Variants in NELFA observed in about 807,000 individuals in gnomAD.
NELFA encodes the protein negative elongation factor complex member A.
In NELFA, 35 loss-of-function variants were observed where a neutral mutation model predicts 51.8. The observed-to-expected ratio is 0.68, with a 90% CI of 0.52 to 0.90. The LOEUF (loss-of-function observed/expected upper bound fraction) is 0.90, where lower values mean the gene tolerates loss of function less well. Among genes scored for constraint, NELFA ranks in the 40% least tolerant of loss-of-function variants. The pLI is 0.00. For missense variants in NELFA, 658 were observed against 746.4 expected (o/e 0.88, Z 1.38); for synonymous variants, 417 against 338.4 (o/e 1.23, Z -2.55).
At position 1,987,936 on chromosome 4, in the gene NELFA, G is replaced by A. The variant is rs145121989; in HGVS notation, c.616C>T (p.Arg206Trp). 1.2e-5 allele frequency: 19 copies of A among 1,608,344 alleles called. No homozygotes were observed. Among genetic ancestry groups the A allele is most frequent in the Non-Finnish European group, 1.4e-5 (16 of 1,178,616 alleles). ...PFHAKGRGLLRKMDTTTPLKG... is the reference protein window; with the variant it reads ...PFHAKGRGLLWKMDTTTPLKG... ...GCCTTACTGGTGGTGTCCATCTTCC[G>A]CAGCAGCCCCCGGCCCTTGGCGTGG... Residue 206 changes from arginine (R) to tryptophan (W), a missense_variant, in exon 4 of 11, where the codon CGG becomes TGG. Physicochemically the swap from Arg to Trp is moderately radical, Grantham distance 101. Transcript: ENST00000382882.
At chr4:2,007,953 G>T (rs1177134625) in intron 1 of NELFA, 3 of 456,562 alleles carry the variant, frequency 6.6e-6, no homozygotes, top group East Asian at 1.4e-4. Context: ...TAGGAAAAAA[G>T]AAAACAAACC....
At position 1,984,890 on chromosome 4, in the gene NELFA, C is replaced by T. The variant is rs779624336; in HGVS notation, c.954G>A (p.Ala318=). 3.9e-5 allele frequency: 61 copies of T among 1,577,956 alleles called. No homozygotes were observed. Among genetic ancestry groups the T allele is most frequent in the African/African-American group, 5.4e-5 (4 of 74,294 alleles). The change falls in exon 8 of 11, where the codon GCG becomes GCA. Residue 318 remains alanine, a synonymous_variant. Coordinates refer to ENST00000382882, the MANE Select transcript of NELFA (RefSeq NM_005663.5). ...QKLGSLNNEP[A]LPSTSYLPST... is the part of the protein sequence containing the mutation. ...AGGGAAGGTAGCTCGTGGAGGGCAG[C>T]GCAGGCTCATTGTTCAGGGACCCAA...
rs746147325 is a variant in NELFA, at chr4:1,983,780, G to A, written c.1302+68C>T. 94 of 1,593,666 alleles carry A rather than the reference G, an allele frequency of 5.9e-5. No homozygotes were observed. The Middle Eastern group carries it at 6.9e-4, about 12-fold the overall frequency. On this transcript the variant is annotated intron_variant, in intron 9 of 10. Transcript: ENST00000382882. ...CCTGCAGGCACCGTGGCACCCCCAC[G>A]CTAGGGGAGGTGGCCAGGGCCGTAC...
intron 1 of NELFA, among the ~76,000 whole-genome samples, chr4:2,002,192 T>A (rs1241676011): frequency 2.6e-5 from 4 of 151,238 alleles, no homozygotes; most frequent in African/African-American, 9.7e-5. Context: ...AAAGCGAGAC[T>A]CCATCTCAGA....
chr4:1,989,870 C>G lies in NELFA; in HGVS notation c.383-1G>C. The G allele has an allele frequency of 6.2e-7, 1 of 1,612,828 alleles. No individual in the cohort carries two copies. The highest frequency in any genetic ancestry group is 8.5e-7 in the Non-Finnish European group (1 of 1,179,446). Reference sequence around the variant, plus strand: ...ATGGCAGACGCTTCACACTCACCCACTGCCGGTAAGAACCACATGAAGTTA... The same window carrying G: ...ATGGCAGACGCTTCACACTCACCCAGTGCCGGTAAGAACCACATGAAGTTA... On this transcript the variant is annotated splice_acceptor_variant, in intron 2 of 10. Coordinates refer to ENST00000382882, the MANE Select transcript of NELFA (RefSeq NM_005663.5). LOFTEE classifies it high-confidence loss of function. The surrounding 1 kb of genome is among the most constrained non-coding windows in gnomAD (Gnocchi z 4.8).
chr4:1,989,881 A>T lies in NELFA; in HGVS notation c.383-12T>A. 6.2e-7 allele frequency: 1 copy of T among 1,611,494 alleles called. No individual in the cohort carries two copies. The highest frequency in any genetic ancestry group is 8.5e-7 in the Non-Finnish European group (1 of 1,178,752). On this transcript the variant is annotated splice_polypyrimidine_tract_variant and intron_variant, in intron 2 of 10. Transcript: ENST00000382882. The surrounding 1 kb of genome is among the most constrained non-coding windows in gnomAD (Gnocchi z 4.8). ...TTCACACTCACCCACTGCCGGTAAGAACCACATGAAGTTAGGGGCGCCCAG... is the reference window on the plus strand; with the variant it reads ...TTCACACTCACCCACTGCCGGTAAGTACCACATGAAGTTAGGGGCGCCCAG...
chr4:1,991,848 G>C (rs1367937717), intron 1 of NELFA, 133 bp from the exon 2 acceptor site: 2 of 902,682 alleles, frequency 2.2e-6, no homozygotes, highest in African/African-American at 3.4e-5. Flanking sequence ...CCTCCTGAGG[G>C]CTCCCCTTCC....
rs1236386914 is a variant in NELFA, at chr4:2,007,888, T to C, written c.210+862A>G. The C allele has an allele frequency of 1.1e-5, 5 of 447,634 alleles. No homozygotes were observed. In the East Asian group the frequency reaches 2.1e-4, roughly 19 times the overall value. 27.7% of individuals were successfully genotyped at this position (447,634 alleles called of 1,614,324 possible). On this transcript the variant is annotated intron_variant, in intron 1 of 10. Transcript: ENST00000382882. ...CGTTTAAACAACCATGGGGCTTCAA[T>C]AGTCTGCAAAACTACTCGGTTTATT...
intron 8 of NELFA, 27 bp from the exon 9 acceptor site, chr4:1,984,140 G>A (rs766512933): frequency 2.7e-6 from 4 of 1,508,694 alleles, no homozygotes; most frequent in East Asian, 2.3e-5. Context: ...GCCTGGTGAG[G>A]GGGCTGGACC....
At chr4:1,991,771 T>TGCTGAGCATCCGGAAGCA (rs746819675) in intron 1 of NELFA, 56 bp from the exon 2 acceptor site, 16 of 1,520,006 alleles carry the variant, frequency 1.1e-5, no homozygotes, top group Non-Finnish European at 1.2e-5. Flanking sequence ...CCAAGCCCAC[T>TGCTGAGCATCCGGAAGCA]CCCTGCTGAG....
rs200311372 is a variant in NELFA at position 1,989,686 on chromosome 4, G to A, written c.544+22C>T. On this transcript the variant is annotated intron_variant, in intron 3 of 10. Coordinates refer to ENST00000382882, the MANE Select transcript of NELFA (RefSeq NM_005663.5). This position sits in a 1 kb window ranked among gnomAD's most constrained non-coding sequence, Gnocchi z 4.8. ...ACTGGAAACTACAAAGACAATGCCC[G>A]ATGGCGGCCGCGGCCACTCACACTT... is the stretch of plus-strand genomic sequence containing the variant. 1.2e-4 allele frequency: 201 copies of A among 1,609,396 alleles called. No individual in the cohort carries two copies. In the East Asian group the frequency reaches 3.5e-3, roughly 28 times the overall value.
chr4:2,006,095 T>TA (rs1420425288), intron 1 of NELFA, among the ~76,000 whole-genome samples: 3 of 152,170 alleles, frequency 2.0e-5, no homozygotes, highest in African/African-American at 7.2e-5. Flanking sequence ...ACAAGGCTTA[T>TA]AAATAAAGTG....
Position 1,983,004 on chromosome 4 carries a change from C to CT in NELFA, c.*314dup, listed in dbSNP as rs1282647165. 1.7e-5 allele frequency: 4 copies of CT among 237,532 alleles called. No individual in the cohort carries two copies. Among genetic ancestry groups the CT allele is most frequent in the Non-Finnish European group, 3.2e-5 (4 of 125,608 alleles). 14.7% of individuals were successfully genotyped at this position (237,532 alleles called of 1,614,324 possible). ...AGAAAAGATTTTAAAAAGTAAGAGTCTAACAGGCAGAGCTGTCACTAAAAT... is the reference window on the plus strand; with the variant it reads ...AGAAAAGATTTTAAAAAGTAAGAGTCTTAACAGGCAGAGCTGTCACTAAAAT... On this transcript the variant is annotated 3_prime_UTR_variant, in exon 11 of 11. Coordinates refer to ENST00000382882, the MANE Select transcript of NELFA (RefSeq NM_005663.5).
rs368235422 is a variant in NELFA, at chr4:1,983,533, G to A, written c.1403-30C>T. The A allele has an allele frequency of 1.6e-5, 25 of 1,612,336 alleles. No homozygotes were observed. The African/African-American group carries it at 2.5e-4, about 16-fold the overall frequency. On this transcript the variant is annotated intron_variant, in intron 10 of 10. Coordinates refer to ENST00000382882, the MANE Select transcript of NELFA (RefSeq NM_005663.5). ...AGAGAGCAGGAGCTGCTGGGTGGGT[G>A]TCTGGGGGCACCCGCCCCCAACCCG...
chr4:1,984,070 G>A lies in NELFA; in HGVS notation c.1080C>T (p.Ser360=), dbSNP rs2234571. Residue 360 remains serine, a synonymous_variant, in exon 9 of 11, where the codon AGC becomes AGT. Transcript: ENST00000382882. ...REASRPPEEP[S]APSPTLPAQF... Reference sequence around the variant, plus strand: ...GCGCTGGCAACGTGGGGCTCGGGGCGCTGGGCTCCTCTGGTGGGCGGCTGG... The same window carrying A: ...GCGCTGGCAACGTGGGGCTCGGGGCACTGGGCTCCTCTGGTGGGCGGCTGG... 133 of 1,595,820 alleles carry A rather than the reference G, an allele frequency of 8.3e-5. No homozygotes were observed. In the East Asian group the frequency reaches 1.5e-3, roughly 18 times the overall value.
chr4:2,008,956 C>T lies in NELFA; in HGVS notation c.4G>A (p.Ala2Thr), dbSNP rs1382984570. 2.6e-6 allele frequency: 4 copies of T among 1,557,914 alleles called. No homozygotes were observed. The highest frequency in any genetic ancestry group is 3.5e-6 in the Non-Finnish European group (4 of 1,150,712). The change falls in exon 1 of 11, where the codon GCG becomes ACG. Residue 2 changes from alanine to threonine, a missense_variant. By Grantham distance (58) the Ala-to-Thr change is moderately conservative. Around this residue, in one of 3 missense-constraint regions of NELFA, gnomAD observed 371 missense variants for 448.3 expected, o/e 0.83. Coordinates refer to ENST00000382882, the MANE Select transcript of NELFA (RefSeq NM_005663.5). M[A>T]SMRESDTGLW... Reference sequence around the variant, plus strand: ...CCCGTGTCGCTCTCCCGCATGGACGCCATCTTGGGGGAAAGCGCGCGCCGC... The same window carrying T: ...CCCGTGTCGCTCTCCCGCATGGACGTCATCTTGGGGGAAAGCGCGCGCCGC...
Position 1,983,161 on chromosome 4 carries a change from G to C in NELFA, c.*158C>G. 1 of 615,162 alleles carries C rather than the reference G, an allele frequency of 1.6e-6. No individual in the cohort carries two copies. The highest frequency in any genetic ancestry group is 2.7e-6 in the Non-Finnish European group (1 of 372,636). 38.1% of individuals were successfully genotyped at this position (615,162 alleles called of 1,614,324 possible). A position where few individuals can be genotyped will look rare whatever the true frequency, so the allele number is the denominator to read the frequency against. ...TTAAAAATAAGCCCCAAATACCCCA[G>C]AGAAATGCATCCAGAACTTAAAACA... On this transcript the variant is annotated 3_prime_UTR_variant, in exon 11 of 11. Transcript: ENST00000382882.
At position 2,008,853 on chromosome 4, in the gene NELFA, G is replaced by C. The variant is rs150929755; in HGVS notation, c.107C>G (p.Ala36Gly). 6.2e-7 allele frequency: 1 copy of C among 1,605,984 alleles called. No individual in the cohort carries two copies. Among genetic ancestry groups the C allele is most frequent in the South Asian group, 1.1e-5 (1 of 89,352 alleles). The change falls in exon 1 of 11, where the codon GCG (alanine) becomes GGG (glycine). Residue 36 changes from alanine (A) to glycine (G), a missense_variant. By Grantham distance (60) the Ala-to-Gly change is moderately conservative. This residue lies in a region of NELFA where 371 missense variants were observed against 448.3 expected (regional missense o/e 0.83). Transcript: ENST00000382882. ...PPSIASLLTA[A>G]VIDNIRLCFH... ...GCAGAGACGGATGTTGTCGATGACC[G>C]CGGCCGTGAGCAGGGACGCGATGCT...
intron 7 of NELFA, among the ~76,000 whole-genome samples, chr4:1,985,381 C>A (rs1162663730): frequency 6.6e-6 from 1 of 152,188 alleles, no homozygotes; most frequent in Non-Finnish European, 1.5e-5. Context: ...TGCCTCCCAC[C>A]CGCAGGCAGG....
Sources: gnomAD v4.1 joint callset for allele counts (sites outside exome capture counted in the v4.1 genomes callset) on GRCh38, gnomAD v4.1.1 for gene constraint, gnomAD v4.1.1 regional missense constraint, Gnocchi (gnomAD v3.1) non-coding constraint, MANE v1.5 for transcripts, NCBI Gene and HGNC (gene_info 2026-07-23, HGNC 2026-07-21) for gene names.